RNF17: variants seen among roughly 807,000 people sequenced by gnomAD.
RNF17 encodes the protein spermatogenesis associated 23.
RNF17 carries 31 observed loss-of-function variants against 200.5 expected under a neutral mutation model. The observed-to-expected ratio is 0.15, with a 90% CI of 0.12 to 0.21. The LOEUF is 0.21. RNF17 is among the 10% of genes least tolerant of loss of function. The pLI, the probability that RNF17 is intolerant of heterozygous loss-of-function variation, is 1.00. For missense variants in RNF17, 1,628 were observed against 1,905.1 expected (o/e 0.85, Z 2.71); for synonymous variants, 606 against 637.8 (o/e 0.95, Z 0.75).
At chr13:24,759,549 G>C (rs1029668554), upstream of RNF17, among the ~76,000 whole-genome samples, 1 of 152,152 alleles carries the variant, frequency 6.6e-6, no homozygotes, top group Non-Finnish European at 1.5e-5. Flanking sequence ...AGTTTCTAAA[G>C]CTATCACAAG....
At chr13:24,750,866 C>T in the RNF17 span, 1 of 152,084 alleles carries the variant, frequency 6.6e-6, no homozygotes, top group African/African-American at 2.4e-5. Context: ...AGTTGCTGTT[C>T]AAGCTACAGA....
intron 15 of RNF17, among the ~76,000 whole-genome samples, chr13:24,808,942 T>A (rs1295634689): frequency 6.8e-6 from 1 of 147,200 alleles, no homozygotes; most frequent in African/African-American, 2.5e-5. Flanking sequence ...TATGCTGGAT[T>A]ACATTTATTG....
At chr13:24,833,068 A>G (rs1889590657) in intron 18 of RNF17, among the ~76,000 whole-genome samples, 1 of 152,090 alleles carries the variant, frequency 6.6e-6, no homozygotes, top group Non-Finnish European at 1.5e-5. Context: ...TTCATCTGAT[A>G]TTTTGATCAG....
At chr13:24,846,192 C>T (rs7319181) in intron 22 of RNF17, among the ~76,000 whole-genome samples, 149,683 of 152,356 alleles carry the variant, frequency 0.98, 73,567 homozygotes, top group Middle Eastern at 1. Flanking sequence ...CCATCTAATG[C>T]TGTATTATCT....
chr13:24,860,828 T>C (rs1893016096), intron 26 of RNF17, among the ~76,000 whole-genome samples: 1 of 152,206 alleles, frequency 6.6e-6, no homozygotes, highest in Non-Finnish European at 1.5e-5. Flanking sequence ...AAATACAGTA[T>C]TACTTTTTTT....
intron 15 of RNF17, among the ~76,000 whole-genome samples, chr13:24,813,011 A>G (rs537059281): frequency 1.1e-3 from 161 of 152,034 alleles, no homozygotes; most frequent in Non-Finnish European, 1.9e-3. Flanking sequence ...GTGAAATGGT[A>G]TCACTTTGTG....
chr13:24,836,263 A>C (rs1490327729), intron 18 of RNF17, among the ~76,000 whole-genome samples: 2 of 152,202 alleles, frequency 1.3e-5, no homozygotes, highest in Non-Finnish European at 2.9e-5. Context: ...CAAATACAAG[A>C]AGCACAAAGC....
intron 31 of RNF17, among the ~76,000 whole-genome samples, 159 bp from the exon 32 acceptor site, chr13:24,870,412 G>A (rs1294486281): frequency 6.6e-6 from 1 of 152,158 alleles, no homozygotes; most frequent in Non-Finnish European, 1.5e-5. Flanking sequence ...CACAAGATAA[G>A]TGTGGTAGGA....
At chr13:24,826,017 A>G (rs561370537) in intron 16 of RNF17, 1 of 984,824 alleles carries the variant, frequency 1.0e-6, no homozygotes. Context: ...GAACAAAGCA[A>G]CAGAAATTAA....
intron 15 of RNF17, among the ~76,000 whole-genome samples, chr13:24,813,850 C>A (rs1887067215): frequency 9.9e-6 from 1 of 100,864 alleles, no homozygotes; most frequent in Non-Finnish European, 1.8e-5. Flanking sequence ...TTTTTAGAGA[C>A]AGGTTCTTGC....
At chr13:24,780,894 T>C (rs1357590640) in intron 5 of RNF17, among the ~76,000 whole-genome samples, 3 of 147,954 alleles carry the variant, frequency 2.0e-5, no homozygotes, top group African/African-American at 5.3e-5. Flanking sequence ...AAAAAAAAAA[T>C]TAAAAATTAA....
chr13:24,786,838 A>T (rs1883171315), intron 6 of RNF17, among the ~76,000 whole-genome samples: 1 of 152,118 alleles, frequency 6.6e-6, no homozygotes, highest in Non-Finnish European at 1.5e-5. Context: ...TTGAGCTCTT[A>T]GATTTATAGA....
intron 26 of RNF17, among the ~76,000 whole-genome samples, chr13:24,861,059 G>T (rs1391378536): frequency 6.6e-6 from 1 of 151,626 alleles, no homozygotes; most frequent in Non-Finnish European, 1.5e-5. Flanking sequence ...TTTTATTTTT[G>T]TTAGAGATGG....
intron 25 of RNF17, 47 bp downstream of exon 25, chr13:24,854,191 A>G: frequency 2.1e-6 from 3 of 1,425,654 alleles, no homozygotes; most frequent in Non-Finnish European, 2.9e-6. Context: ...AGTACGAACG[A>G]CAGGGATTGA....
At chr13:24,853,063 G>A (rs548347118) in intron 24 of RNF17, among the ~76,000 whole-genome samples, 20 of 152,176 alleles carry the variant, frequency 1.3e-4, no homozygotes, top group East Asian at 1.9e-4. Context: ...ATAGGCATGC[G>A]CCACCATGCC....
At chr13:24,856,134 T>A (rs1265731553) in intron 25 of RNF17, among the ~76,000 whole-genome samples, 1 of 152,044 alleles carries the variant, frequency 6.6e-6, no homozygotes, top group African/African-American at 2.4e-5. Flanking sequence ...TTAAATCCTT[T>A]CTTGGGCCAG....
the RNF17 span, among the ~76,000 whole-genome samples, chr13:24,753,787 C>T: frequency 1.8e-4 from 28 of 152,152 alleles, no homozygotes; most frequent in Non-Finnish European, 3.7e-4. Context: ...TTGAGACAGT[C>T]TTGCTCTGTT....
At chr13:24,877,282 A>C (rs974215295) in intron 34 of RNF17, 96 bp downstream of exon 34, 1 of 907,418 alleles carries the variant, frequency 1.1e-6, no homozygotes, top group Admixed American at 2.5e-5. Context: ...ATGCGAGAGT[A>C]TACTAAAGCA....
chr13:24,840,653 G>A (rs1890528272), intron 18 of RNF17, among the ~76,000 whole-genome samples: 1 of 151,920 alleles, frequency 6.6e-6, no homozygotes, highest in South Asian at 2.1e-4. Flanking sequence ...ACTCAGGAAT[G>A]GAAAACCAAT....
Sources: gnomAD v4.1 joint callset for allele counts (sites outside exome capture counted in the v4.1 genomes callset) on GRCh38, gnomAD v4.1.1 for gene constraint, MANE v1.5 for transcripts, NCBI Gene and HGNC (gene_info 2026-07-23, HGNC 2026-07-21) for gene names.